TECPR2: variants seen among roughly 807,000 people sequenced by gnomAD.
TECPR2 encodes the protein tectonin beta-propeller repeat-containing protein 2.
A neutral mutation model predicts 138.1 loss-of-function variants in TECPR2; 65 were observed. That is an observed-to-expected ratio of 0.47 (90% CI 0.39 to 0.58). TECPR2 has a LOEUF of 0.58. TECPR2 is among the 20% of genes least tolerant of loss of function. The pLI is 0.00. For synonymous variants in TECPR2, 746 were observed against 749.8 expected (o/e 0.99, Z 0.08); for missense variants, 1,553 against 1,824.5 (o/e 0.85, Z 2.71).
intron 1 of TECPR2, among the ~76,000 whole-genome samples, chr14:102,368,457 C>T (rs1336239155): frequency 4.6e-5 from 7 of 152,194 alleles, no homozygotes; most frequent in Non-Finnish European, 7.3e-5. Context: ...CTTCCCACCC[C>T]AGCCTCCCAA....
chr14:102,476,206 C>CAAAAAAA (rs58293049), intron 17 of TECPR2, among the ~76,000 whole-genome samples: 2 of 59,672 alleles, frequency 3.4e-5, no homozygotes, highest in African/African-American at 7.3e-5. Context: ...GACTCTGTCT[C>CAAAAAAA]AAAAAAAAAA....
intron 17 of TECPR2, among the ~76,000 whole-genome samples, chr14:102,490,986 C>T (rs1481009154): frequency 6.6e-6 from 1 of 152,130 alleles, no homozygotes; most frequent in African/African-American, 2.4e-5. Flanking sequence ...CCTCTGCCTC[C>T]CGGGTTCAAG....
chr14:102,406,710 C>T (rs1888668396), intron 2 of TECPR2, among the ~76,000 whole-genome samples: 1 of 152,108 alleles, frequency 6.6e-6, no homozygotes, highest in Non-Finnish European at 1.5e-5. Flanking sequence ...TTAAAATTAC[C>T]TGGGTGTGGG....
chr14:102,498,534 C>A lies in TECPR2; in HGVS notation c.*277C>A, dbSNP rs1391186895. ...ATGCACTCCGATTACCCACGTGCTG[C>A]CGTCCTGGTCTCATCCACAGATAGC... On this transcript the variant is annotated 3_prime_UTR_variant, in exon 20 of 20. Coordinates refer to ENST00000359520, the MANE Select transcript of TECPR2 (RefSeq NM_014844.5). 7.8e-6 allele frequency: 4 copies of A among 514,444 alleles called. No individual in the cohort carries two copies. The Admixed American group carries it at 9.8e-5, about 13-fold the overall frequency. 31.9% of individuals were successfully genotyped at this position (514,444 alleles called of 1,614,324 possible).
intron 16 of TECPR2, among the ~76,000 whole-genome samples, chr14:102,456,514 C>T (rs1254452328): frequency 6.6e-6 from 1 of 151,738 alleles, no homozygotes; most frequent in Non-Finnish European, 1.5e-5. Context: ...ATCCCCTCAA[C>T]GAGTATCTGC....
chr14:102,438,742 A>T (rs1271431212), intron 10 of TECPR2, among the ~76,000 whole-genome samples: 1 of 152,160 alleles, frequency 6.6e-6, no homozygotes, highest in Non-Finnish European at 1.5e-5. Context: ...TCATTCTTTC[A>T]TGCTGCTGTT....
At chr14:102,486,905 C>T (rs1032655065) in intron 17 of TECPR2, among the ~76,000 whole-genome samples, 1 of 152,150 alleles carries the variant, frequency 6.6e-6, no homozygotes, top group African/African-American at 2.4e-5. Context: ...AGAGGGTCTG[C>T]TACAGGGAAA....
rs1889611834 is a variant in TECPR2, at chr14:102,434,775, G to C, written c.1958G>C (p.Ser653Thr). 1.2e-6 allele frequency: 2 copies of C among 1,613,330 alleles called. No homozygotes were observed. Among genetic ancestry groups the C allele is most frequent in the Non-Finnish European group, 1.7e-6 (2 of 1,180,032 alleles). Residue 653 changes from serine (S) to threonine (T), a missense_variant, in exon 9 of 20, where the codon AGC becomes ACC. Physicochemically the swap from Ser to Thr is moderately conservative, Grantham distance 58 (BLOSUM62 1). Transcript: ENST00000359520. ...PLLNSLTVPSSLSWAPSAEQW... is the reference protein window; with the variant it reads ...PLLNSLTVPSTLSWAPSAEQW... ...CTGAACTCACTCACTGTGCCTTCCA[G>C]CCTCAGCTGGGCCCCAAGTGCTGAA...
At chr14:102,494,309 G>A (rs1175026140) in intron 17 of TECPR2, among the ~76,000 whole-genome samples, 3 of 152,144 alleles carry the variant, frequency 2.0e-5, no homozygotes, top group Non-Finnish European at 2.9e-5. Context: ...TTGGGAAGCC[G>A]AGGCAGGCAG....
chr14:102,366,074 C>CA (rs1352089863), intron 1 of TECPR2, among the ~76,000 whole-genome samples: 4 of 152,168 alleles, frequency 2.6e-5, no homozygotes, highest in Non-Finnish European at 4.4e-5. Flanking sequence ...TTAGTGTACC[C>CA]AGAGCACTCT....
chr14:102,443,975 A>G lies in TECPR2; in HGVS notation c.2933+148A>G, dbSNP rs753852939. 29 of 781,024 alleles carry G rather than the reference A, an allele frequency of 3.7e-5. No homozygotes were observed. Among genetic ancestry groups the G allele is most frequent in the Non-Finnish European group, 5.4e-5 (29 of 536,396 alleles). 48.4% of individuals were successfully genotyped at this position (781,024 alleles called of 1,614,324 possible). On this transcript the variant is annotated intron_variant, in intron 12 of 19. Coordinates refer to ENST00000359520, the MANE Select transcript of TECPR2 (RefSeq NM_014844.5). This position sits in a 1 kb window ranked among gnomAD's most constrained non-coding sequence, Gnocchi z 4.9. Reference sequence around the variant, plus strand: ...ATAGGCTAAGCTTGAATCTCTGCCTAATTCTGACCGGCAAACTGGACGTTG... The same window carrying G: ...ATAGGCTAAGCTTGAATCTCTGCCTGATTCTGACCGGCAAACTGGACGTTG...
At chr14:102,398,652 A>G (rs1888384270) in intron 2 of TECPR2, among the ~76,000 whole-genome samples, 1 of 152,010 alleles carries the variant, frequency 6.6e-6, no homozygotes, top group African/African-American at 2.4e-5. Context: ...ACTTGAGTTC[A>G]AGCTCAGCCT....
intron 2 of TECPR2, among the ~76,000 whole-genome samples, chr14:102,394,426 G>T (rs1888261453): frequency 6.6e-6 from 1 of 152,114 alleles, no homozygotes; most frequent in Admixed American, 6.6e-5. Context: ...AACATAGCAA[G>T]ATCCTGTCTC....
In TECPR2 at chr14:102,477,553, T is replaced by G. The variant is rs1379354922; in HGVS notation, c.3789+12264T>G. 4.0e-3 allele frequency among the ~76,000 whole-genome samples: 448 copies of G among 110,674 alleles called. 2 individuals carry two copies. Among genetic ancestry groups the G allele is most frequent in the African/African-American group, 0.017 (404 of 24,472 alleles). 72.6% of individuals were successfully genotyped at this position (110,674 alleles called of 152,430 possible). On this transcript the variant is annotated intron_variant, in intron 17 of 19. Coordinates refer to ENST00000359520, the MANE Select transcript of TECPR2 (RefSeq NM_014844.5). ...GTCAGCATACCCCTGTAGAGCTGGT[T>G]TTTTTTTTTTTTTTTGAGACAGAAT...
At chr14:102,406,731 G>A (rs569788800) in intron 2 of TECPR2, among the ~76,000 whole-genome samples, 1 of 152,332 alleles carries the variant, frequency 6.6e-6, no homozygotes, top group South Asian at 2.1e-4. Flanking sequence ...GCACACGTCT[G>A]TAGTCCCAGC....
chr14:102,440,613 A>G lies in TECPR2; in HGVS notation c.2752+4A>G. 1 of 1,611,928 alleles carries G rather than the reference A, an allele frequency of 6.2e-7. No individual in the cohort carries two copies. Among genetic ancestry groups the G allele is most frequent in the East Asian group, 2.2e-5 (1 of 44,822 alleles). ...GGGGACCTATACTTGCAGACAGGTA[A>G]CCGCGGGCCACGCTTAGAGGCCTGC... is the stretch of plus-strand genomic sequence containing the variant. On this transcript the variant is annotated splice_donor_region_variant and intron_variant, in intron 11 of 19. Transcript: ENST00000359520.
At chr14:102,363,886 T>C (rs949628095) in intron 1 of TECPR2, among the ~76,000 whole-genome samples, 2 of 152,210 alleles carry the variant, frequency 1.3e-5, no homozygotes, top group African/African-American at 4.8e-5. Flanking sequence ...GCCCCTGCTG[T>C]CATCTGTGCT....
At chr14:102,428,629 G>C (rs911403956) in intron 7 of TECPR2, among the ~76,000 whole-genome samples, 8 of 152,024 alleles carry the variant, frequency 5.3e-5, no homozygotes, top group Non-Finnish European at 1.0e-4. Flanking sequence ...AGGCGTGGTG[G>C]CATGCGCCTG....
At chr14:102,495,286 G>A (rs1891250636) in intron 17 of TECPR2, among the ~76,000 whole-genome samples, 1 of 152,208 alleles carries the variant, frequency 6.6e-6, no homozygotes, top group South Asian at 2.1e-4. Context: ...GTGGCCCTGT[G>A]CCTGTCAGTG....
Sources: allele counts gnomAD v4.1 joint callset (sites outside exome capture counted in the v4.1 genomes callset), GRCh38; gene constraint gnomAD v4.1.1; non-coding constraint Gnocchi (gnomAD v3.1); transcripts MANE v1.5; gene names NCBI Gene and HGNC (gene_info 2026-07-23, HGNC 2026-07-21).